USP1: variants seen among roughly 807,000 people sequenced by gnomAD.
USP1 encodes the protein ubiquitin carboxyl-terminal hydrolase 1.
A neutral mutation model predicts 72.2 loss-of-function variants in USP1; 18 were observed. The ratio of observed to expected loss-of-function variants is 0.25; its 90% CI spans 0.17 to 0.37. The LOEUF is 0.37. USP1 is among the 10% of genes least tolerant of loss of function. The pLI is 1.00. For missense variants in USP1, 759 were observed against 884.9 expected, an observed-to-expected ratio of 0.86 and a Z score of 1.81; for synonymous variants, 354 against 303.7, an observed-to-expected ratio of 1.17 and a Z score of -1.72.
intron 1 of USP1, among the ~76,000 whole-genome samples, chr1:62,437,650 C>G: frequency 6.6e-6 from 1 of 152,210 alleles, no homozygotes. Flanking sequence ...GGGTGTGGGC[C>G]GAGGACGCCG....
At chr1:62,447,088 C>T (rs573536909) in intron 6 of USP1, among the ~76,000 whole-genome samples, 2 of 152,346 alleles carry the variant, frequency 1.3e-5, no homozygotes, top group South Asian at 2.1e-4. Context: ...CTTGGGATTA[C>T]AGGCTTAAGC....
In USP1 at chr1:62,443,299, G is replaced by T. The variant is rs1001065479; in HGVS notation, c.537G>T (p.Arg179Ser). The change falls in exon 5 of 9, where the codon AGG (arginine) becomes AGT (serine). Residue 179 changes from arginine (R) to serine (S), a missense_variant. Transcript: ENST00000339950. ...CTGATGAACTTGCCACTCAGCCAAG[G>T]CGACTGCTTAACACACTGAGGTATA... ...KYTDELATQP[R>S]RLLNTLRELN... is the part of the protein sequence containing the mutation. 1 of 1,612,806 alleles carries T rather than the reference G, an allele frequency of 6.2e-7. No individual in the cohort carries two copies. The highest frequency in any genetic ancestry group is 8.5e-7 in the Non-Finnish European group (1 of 1,179,662).
At chr1:62,442,999 A>G (rs1645144219) in intron 4 of USP1, among the ~76,000 whole-genome samples, 160 bp from the exon 5 acceptor site, 1 of 152,178 alleles carries the variant, frequency 6.6e-6, no homozygotes, top group Non-Finnish European at 1.5e-5. Context: ...CCCTGTCTCA[A>G]AATAAAAAAA....
chr1:62,444,914 G>T lies in USP1; in HGVS notation c.734G>T (p.Gly245Val), dbSNP rs762188311. 3.7e-6 allele frequency: 6 copies of T among 1,613,526 alleles called. No homozygotes were observed. The Admixed American group carries it at 5.0e-5, about 13-fold the overall frequency. ...EIPHPKEEMN[G>V]INSIEMDSMR... ...CCTCATCCGAAAGAGGAAATGAATG[G>T]TATTAACAGCATAGAGATGGACAGT... The change falls in exon 6 of 9, where the codon GGT becomes GTT. Residue 245 changes from glycine to valine, a missense_variant. Coordinates refer to ENST00000339950, the MANE Select transcript of USP1 (RefSeq NM_003368.5).
At chr1:62,437,719 C>T (rs1354218470) in intron 1 of USP1, among the ~76,000 whole-genome samples, 1 of 152,242 alleles carries the variant, frequency 6.6e-6, no homozygotes, top group Non-Finnish European at 1.5e-5. Context: ...GCTTTCTTTC[C>T]GTTCCCGAGA....
intron 5 of USP1, 57 bp from the exon 6 acceptor site, chr1:62,444,681 C>CT: frequency 1.5e-6 from 2 of 1,329,594 alleles, no homozygotes; most frequent in Non-Finnish European, 2.0e-6. Context: ...TCTATATAGG[C>CT]TTTATGTACT....
chr1:62,446,343 CAAAA>C (rs762792264), intron 6 of USP1, among the ~76,000 whole-genome samples: 1 of 128,920 alleles, frequency 7.8e-6, no homozygotes, highest in Non-Finnish European at 1.7e-5. Flanking sequence ...GCTGATGAGC[CAAAA>C]AAAAAAAAAT....
At position 62,439,822 on chromosome 1, in the gene USP1, C is replaced by A. The variant is rs746552995; in HGVS notation, c.-46C>A. On this transcript the variant is annotated 5_prime_UTR_variant, in exon 2 of 9. Transcript: ENST00000339950. ...AGATATAATTGGTGATTACAACTTTCCTCTATAAATTAACTCTTGACACTC... is the reference window on the plus strand; with the variant it reads ...AGATATAATTGGTGATTACAACTTTACTCTATAAATTAACTCTTGACACTC... 3 of 1,327,956 alleles carry A rather than the reference C, an allele frequency of 2.3e-6. No homozygotes were observed. The highest frequency in any genetic ancestry group is 2.6e-5 in the South Asian group (1 of 37,984). 82.3% of individuals were successfully genotyped at this position (1,327,956 alleles called of 1,614,324 possible).
intron 4 of USP1, among the ~76,000 whole-genome samples, chr1:62,442,626 T>G (rs902553413): frequency 3.3e-5 from 5 of 152,206 alleles, no homozygotes; most frequent in Admixed American, 2.6e-4. Flanking sequence ...TTAAATACAG[T>G]GTATTTAAAG....
Position 62,444,762 on chromosome 1 carries a change from A to G in USP1, c.582A>G (p.Gly194=), listed in dbSNP as rs1645158020. The change falls in exon 6 of 9, where the codon GGA becomes GGG. Residue 194 remains glycine (G), a synonymous_variant. Transcript: ENST00000339950. The part of the protein sequence containing the change: ...TLRELNPMYE[G]YLQHDAQEVL... Reference sequence around the variant, plus strand: ...GGGAACTCAACCCTATGTATGAAGGATATCTACAGCATGATGCACAGGAAG... The same window carrying G: ...GGGAACTCAACCCTATGTATGAAGGGTATCTACAGCATGATGCACAGGAAG... The G allele has an allele frequency of 1.9e-6, 3 of 1,595,768 alleles. No individual in the cohort carries two copies. Among genetic ancestry groups the G allele is most frequent in the Non-Finnish European group, 2.6e-6 (3 of 1,174,782 alleles).
intron 7 of USP1, 97 bp downstream of exon 7, chr1:62,447,608 A>T: frequency 7.3e-7 from 1 of 1,363,762 alleles, no homozygotes; most frequent in Admixed American, 2.5e-5. Flanking sequence ...TAGGGAGGGG[A>T]AAAAAGCTAG....
intron 5 of USP1, among the ~76,000 whole-genome samples, chr1:62,444,423 G>A (rs1405890396): frequency 1.3e-5 from 2 of 152,046 alleles, no homozygotes; most frequent in East Asian, 3.9e-4. Flanking sequence ...GTACCTCATA[G>A]GGTTATTGTG....
chr1:62,439,626 G>C (rs187268190), intron 1 of USP1, among the ~76,000 whole-genome samples, 173 bp from the exon 2 acceptor site: 20 of 152,280 alleles, frequency 1.3e-4, no homozygotes, highest in Admixed American at 1.1e-3. Context: ...GAACAGTGTG[G>C]TATGCTTCTT....
intron 8 of USP1, among the ~76,000 whole-genome samples, chr1:62,448,888 C>T (rs577461071): frequency 6.6e-6 from 1 of 152,034 alleles, no homozygotes; most frequent in African/African-American, 2.4e-5. Context: ...GATTTCTTCT[C>T]CTTTTTTTTT....
Position 62,437,287 on chromosome 1 carries a change from C to G in USP1, c.-183C>G, listed in dbSNP as rs1324822678. On this transcript the variant is annotated 5_prime_UTR_variant, in exon 1 of 9. Transcript: ENST00000339950. ...GGGAGGGCGAGCCGACCAGATTTTC[C>G]TGGGGCCGGGGACCCGGCGGGCTCG... The G allele has an allele frequency of 7.6e-6, 3 of 397,252 alleles. No individual in the cohort carries two copies. Among genetic ancestry groups the G allele is most frequent in the African/African-American group, 6.2e-5 (3 of 48,614 alleles). 24.6% of individuals were successfully genotyped at this position (397,252 alleles called of 1,614,324 possible).
At chr1:62,445,497 C>A in intron 6 of USP1, 68 bp downstream of exon 6, 2 of 1,351,930 alleles carry the variant, frequency 1.5e-6, no homozygotes, top group South Asian at 1.6e-5. Flanking sequence ...TTTTCTCTTC[C>A]TAGATACATG....
chr1:62,442,383 G>A (rs1010918695), intron 4 of USP1, 84 bp downstream of exon 4: 13 of 923,526 alleles, frequency 1.4e-5, no homozygotes, highest in South Asian at 5.2e-5. Context: ...GAAGAGGACT[G>A]GGGGGGTGGA....
In USP1 at chr1:62,445,398, A is replaced by G. The variant is rs1645164819; in HGVS notation, c.1218A>G (p.Val406=). 1 of 1,583,782 alleles carries G rather than the reference A, an allele frequency of 6.3e-7. No homozygotes were observed. Among genetic ancestry groups the G allele is most frequent in the Admixed American group, 1.9e-5 (1 of 53,036 alleles). ...LESPGNTVTP[V]NVNEVKPINK... is the part of the protein sequence containing the mutation. ...CTCCAGGAAATACTGTTACACCTGT[A>G]AATGTTAATGAAGTTAAACCCATAA... The change falls in exon 6 of 9, where the codon GTA becomes GTG. Residue 406 remains valine, a synonymous_variant. Transcript: ENST00000339950.
rs598291 is a variant in USP1, at chr1:62,445,636, G to A, written c.1249+207G>A. ...ATATTGTATGCATATATATGTGTGTGTGTGTGTGTGTAATGTCATTAAAGT... is the reference window on the plus strand; with the variant it reads ...ATATTGTATGCATATATATGTGTGTATGTGTGTGTGTAATGTCATTAAAGT... On this transcript the variant is annotated intron_variant, in intron 6 of 8. Coordinates refer to ENST00000339950, the MANE Select transcript of USP1 (RefSeq NM_003368.5). 0.022 allele frequency among the ~76,000 whole-genome samples: 2,714 copies of A among 122,958 alleles called. 86 individuals carry two copies. Among genetic ancestry groups the A allele is most frequent in the African/African-American group, 0.088 (2,558 of 29,166 alleles). The allele number at this position is 122,958 out of a possible 152,430, so 80.7% of individuals were successfully genotyped here. A position where few individuals can be genotyped will look rare whatever the true frequency, so the allele number is the denominator to read the frequency against.
Sources: allele counts gnomAD v4.1 joint callset (sites outside exome capture counted in the v4.1 genomes callset), GRCh38; gene constraint gnomAD v4.1.1; transcripts MANE v1.5; gene names NCBI Gene and HGNC (gene_info 2026-07-23, HGNC 2026-07-21).